The following ERC2 variants were observed in gnomAD, a reference collection of about 807,000 sequenced individuals.
The protein encoded by ERC2 is ELKS/RAB6-interacting/CAST family member 2, also known as ERC protein 2.
A neutral mutation model predicts 114.8 loss-of-function variants in ERC2; 42 were observed. That is an observed-to-expected ratio of 0.37 (90% CI 0.29 to 0.47). The LOEUF (loss-of-function observed/expected upper bound fraction) is 0.47, where lower values mean the gene tolerates loss of function less well. ERC2 is among the 20% of genes least tolerant of loss of function. The pLI is 0.99. For synonymous variants in ERC2, 454 were observed against 425.5 expected (o/e 1.07, Z -0.82); for missense variants, 939 against 1,150.7 (o/e 0.82, Z 2.66).
intron 17 of ERC2, among the ~76,000 whole-genome samples, chr3:55,678,204 T>C (rs986107389): frequency 1.3e-5 from 2 of 152,184 alleles, no homozygotes; most frequent in African/African-American, 4.8e-5. Flanking sequence ...GACATTGTCA[T>C]GGTGGTTCTA....
chr3:55,654,884 C>T (rs1248792218), intron 17 of ERC2, among the ~76,000 whole-genome samples: 1 of 152,238 alleles, frequency 6.6e-6, no homozygotes. Flanking sequence ...CTCTCATTGA[C>T]ACTGTGGGTG....
chr3:56,434,560 G>T lies in ERC2; in HGVS notation c.448C>A (p.Leu150Ile). Residue 150 changes from leucine (L) to isoleucine (I), a missense_variant, in exon 2 of 18, where the codon CTT becomes ATT. Coordinates refer to ENST00000288221, the MANE Select transcript of ERC2 (RefSeq NM_015576.3). ...TGCAGTTCTTTCAGCTGGGCCTGAA[G>T]ATCTAACATTGTGCTGTCTCTTACC... ...RQVRDSTMLD[L>I]QAQLKELQRE... 1.2e-6 allele frequency: 2 copies of T among 1,613,974 alleles called. No homozygotes were observed. The highest frequency in any genetic ancestry group is 1.7e-6 in the Non-Finnish European group (2 of 1,179,888).
intron 2 of ERC2, among the ~76,000 whole-genome samples, chr3:56,385,339 C>T (rs1330830691): frequency 6.6e-6 from 1 of 152,056 alleles, no homozygotes; most frequent in Non-Finnish European, 1.5e-5. Flanking sequence ...GCACTAATTC[C>T]ATTCATGAGG....
At chr3:55,574,071 G>A (rs112467395) in intron 17 of ERC2, among the ~76,000 whole-genome samples, 32 of 152,162 alleles carry the variant, frequency 2.1e-4, no homozygotes, top group African/African-American at 6.8e-4. Flanking sequence ...GCTATTATTA[G>A]AAGCTACTTG....
At chr3:56,314,809 T>G (rs2056787005) in intron 2 of ERC2, among the ~76,000 whole-genome samples, 1 of 152,162 alleles carries the variant, frequency 6.6e-6, no homozygotes, top group African/African-American at 2.4e-5. Flanking sequence ...GACCACTGGT[T>G]GTCTGAAGTC....
intron 14 of ERC2, among the ~76,000 whole-genome samples, chr3:55,849,754 T>C (rs1163983532): frequency 1.3e-5 from 2 of 152,214 alleles, no homozygotes; most frequent in African/African-American, 4.8e-5. Flanking sequence ...ACAGTGCTTC[T>C]GGGTAGCCTG....
intron 3 of ERC2, among the ~76,000 whole-genome samples, chr3:56,223,398 C>T (rs547826822): frequency 6.6e-6 from 1 of 151,772 alleles, no homozygotes; most frequent in South Asian, 2.1e-4. Context: ...TTCCCCAAAA[C>T]CAAGATGGCA....
chr3:55,855,836 G>A (rs2061763162), intron 14 of ERC2, among the ~76,000 whole-genome samples: 1 of 152,142 alleles, frequency 6.6e-6, no homozygotes, highest in Non-Finnish European at 1.5e-5. Flanking sequence ...TTTCTTTGTT[G>A]AAATATACAA....
At chr3:55,895,305 A>G (rs2063790880) in intron 13 of ERC2, among the ~76,000 whole-genome samples, 1 of 152,186 alleles carries the variant, frequency 6.6e-6, no homozygotes, top group Non-Finnish European at 1.5e-5. Context: ...AGGCATCTGT[A>G]TTTTATTAAA....
At chr3:56,039,894 A>G (rs1012182812) in intron 7 of ERC2, among the ~76,000 whole-genome samples, 2 of 152,182 alleles carry the variant, frequency 1.3e-5, no homozygotes, top group Non-Finnish European at 2.9e-5. Context: ...GCAATAGGGG[A>G]AAGAGAATAT....
chr3:56,132,569 G>A (rs1485545935), intron 6 of ERC2, among the ~76,000 whole-genome samples: 2 of 152,162 alleles, frequency 1.3e-5, no homozygotes, highest in Non-Finnish European at 2.9e-5. Flanking sequence ...CCCAGGAGGC[G>A]GAGCTTGCAG....
chr3:56,464,551 A>G (rs1184406228), intron 1 of ERC2, among the ~76,000 whole-genome samples: 1 of 152,230 alleles, frequency 6.6e-6, no homozygotes, highest in Non-Finnish European at 1.5e-5. Flanking sequence ...AATATATCTT[A>G]TCATTTGATA....
intron 17 of ERC2, among the ~76,000 whole-genome samples, chr3:55,678,878 C>T (rs1403014070): frequency 2.6e-5 from 4 of 152,146 alleles, no homozygotes; most frequent in Non-Finnish European, 5.9e-5. Flanking sequence ...CCATCCAAGT[C>T]CTCCTGGCTT....
intron 17 of ERC2, among the ~76,000 whole-genome samples, chr3:55,639,627 C>T (rs548220717): frequency 6.6e-6 from 1 of 151,560 alleles, no homozygotes; most frequent in Admixed American, 6.6e-5. Context: ...CTTAAATCTA[C>T]GTCAGTCAGG....
At chr3:55,647,956 G>GGCTGCTGGCAGGCA (rs1387903515) in intron 17 of ERC2, among the ~76,000 whole-genome samples, 27 of 152,208 alleles carry the variant, frequency 1.8e-4, no homozygotes, top group Non-Finnish European at 3.1e-4. Flanking sequence ...AGTCCTTGGT[G>GGCTGCTGGCAGGCA]GCTGCTGGCA....
intron 17 of ERC2, among the ~76,000 whole-genome samples, chr3:55,627,877 T>C (rs1006261446): frequency 6.9e-6 from 1 of 144,554 alleles, no homozygotes; most frequent in East Asian, 2.0e-4. Flanking sequence ...GGACTGGGAC[T>C]TGGTGCTTTT....
intron 4 of ERC2, among the ~76,000 whole-genome samples, chr3:56,159,936 T>C (rs1291355900): frequency 6.6e-6 from 1 of 152,224 alleles, no homozygotes; most frequent in African/African-American, 2.4e-5. Context: ...TGATTGCATG[T>C]CTTTGCTATG....
intron 17 of ERC2, among the ~76,000 whole-genome samples, chr3:55,660,095 T>C (rs1294665889): frequency 6.6e-6 from 1 of 150,408 alleles, no homozygotes; most frequent in African/African-American, 2.4e-5. Flanking sequence ...CCCCATCACA[T>C]TATGGAAGCT....
intron 17 of ERC2, chr3:55,659,247 C>G (rs966391961): frequency 6.6e-6 from 1 of 152,194 alleles, no homozygotes; most frequent in African/African-American, 2.4e-5. Context: ...CTAGCTGATT[C>G]TCCAGTCCTC....
Sources: allele counts gnomAD v4.1 joint callset (sites outside exome capture counted in the v4.1 genomes callset), GRCh38; gene constraint gnomAD v4.1.1; transcripts MANE v1.5; gene names NCBI Gene and HGNC (gene_info 2026-07-23, HGNC 2026-07-21).